Variants in AHCTF1 observed in about 807,000 individuals in gnomAD.
AHCTF1 encodes the protein AT-hook containing transcription factor 1.
AHCTF1 carries 24 observed loss-of-function variants against 248.4 expected under a neutral mutation model. The observed-to-expected ratio is 0.10, with a 90% CI of 0.07 to 0.14. AHCTF1 has a LOEUF of 0.14. AHCTF1 is among the 10% of genes least tolerant of loss of function. The pLI, the probability that AHCTF1 is intolerant of heterozygous loss-of-function variation, is 1.00. For synonymous variants in AHCTF1, 786 were observed against 929.8 expected, an observed-to-expected ratio of 0.85 and a Z score of 2.81; for missense variants, 2,206 against 2,636.2, an observed-to-expected ratio of 0.84 and a Z score of 3.57.
chr1:246,855,119 T>A (rs1044645416), intron 31 of AHCTF1, among the ~76,000 whole-genome samples: 1 of 152,234 alleles, frequency 6.6e-6, no homozygotes, highest in Non-Finnish European at 1.5e-5. Context: ...TAGAGTCAGA[T>A]AACAACTATG....
At position 246,840,074 on chromosome 1, in the gene AHCTF1, T is replaced by A. The variant is rs1363449913; in HGVS notation, c.*732A>T. 1 of 152,642 alleles carries A rather than the reference T, an allele frequency of 6.6e-6. No individual in the cohort carries two copies. Among genetic ancestry groups the A allele is most frequent in the Non-Finnish European group, 1.5e-5 (1 of 68,046 alleles). 9.5% of individuals were successfully genotyped at this position (152,642 alleles called of 1,614,324 possible). On this transcript the variant is annotated 3_prime_UTR_variant, in exon 36 of 36. Transcript: ENST00000648844. ...CACTCAATATCCATAAACAGATTTA[T>A]TTTACATTTCCCTTTGTCAAACCCT...
chr1:246,854,456 G>A (rs545211803), intron 31 of AHCTF1, among the ~76,000 whole-genome samples: 1 of 152,084 alleles, frequency 6.6e-6, no homozygotes, highest in Non-Finnish European at 1.5e-5. Context: ...TGGCCCAAAT[G>A]TTCAGCAATA....
At chr1:246,908,903 A>AAAAG (rs1355874967) in intron 4 of AHCTF1, among the ~76,000 whole-genome samples, 1 of 142,324 alleles carries the variant, frequency 7.0e-6, no homozygotes, top group Non-Finnish European at 1.6e-5. Flanking sequence ...GTCTCAAAAG[A>AAAAG]AAAAAAAAAA....
chr1:246,850,827 T>C lies in AHCTF1; in HGVS notation c.5179A>G (p.Asn1727Asp). Reference protein sequence around the residue: ...TAQETSTMTMNVSQVDDVVSS... With the variant: ...TAQETSTMTMDVSQVDDVVSS... ...ACCACGTCATCAACCTGGCTGACAT[T>C]CATAGTCATTGTGCTTGTTTCCTGA... Residue 1727 changes from asparagine (N) to aspartate (D), a missense_variant, in exon 33 of 36, where the codon AAT becomes GAT. Physicochemically the swap from Asn to Asp is conservative, Grantham distance 23. Transcript: ENST00000648844. 6.2e-7 allele frequency: 1 copy of C among 1,613,910 alleles called. No homozygotes were observed. The highest frequency in any genetic ancestry group is 8.5e-7 in the Non-Finnish European group (1 of 1,179,852).
intron 23 of AHCTF1, 42 bp downstream of exon 23, chr1:246,876,908 C>T (rs1433749564): frequency 1.3e-6 from 2 of 1,599,238 alleles, no homozygotes; most frequent in African/African-American, 2.7e-5. Flanking sequence ...TCCAGTTTTC[C>T]TTATTCTCTT....
chr1:246,905,507 A>C, intron 6 of AHCTF1, 34 bp downstream of exon 6: 1 of 1,567,974 alleles, frequency 6.4e-7, no homozygotes, highest in Non-Finnish European at 8.8e-7. Flanking sequence ...CAAAAAAACA[A>C]AACAAAACAA....
chr1:246,907,939 T>TAAAA lies in AHCTF1; in HGVS notation c.557-182_557-181insTTTT, dbSNP rs1337535235. Among the ~76,000 whole-genome samples the TAAAA allele has an allele frequency of 2.0e-5, 3 of 152,358 alleles. No individual in the cohort carries two copies. In the East Asian group the frequency reaches 5.8e-4, roughly 29 times the overall value. On this transcript the variant is annotated intron_variant, in intron 4 of 35. Coordinates refer to ENST00000648844, the MANE Select transcript of AHCTF1 (RefSeq NM_001323342.2). Reference sequence around the variant, plus strand: ...TAGAAAATTGCCATCCTTATCTATTTAAATGCCACAATTTAAAAAACACAT... The same window carrying TAAAA: ...TAGAAAATTGCCATCCTTATCTATTTAAAAAAATGCCACAATTTAAAAAACACAT...
intron 14 of AHCTF1, among the ~76,000 whole-genome samples, chr1:246,892,301 C>CTTTTTT (rs74163502): frequency 3.8e-4 from 25 of 64,966 alleles, no homozygotes; most frequent in East Asian, 5.5e-4. Context: ...ATTTGTTTTA[C>CTTTTTT]TTTTTTTTTT....
intron 8 of AHCTF1, among the ~76,000 whole-genome samples, chr1:246,901,677 G>GT (rs1665010564): frequency 6.6e-6 from 1 of 152,076 alleles, no homozygotes; most frequent in African/African-American, 2.4e-5. Context: ...AATTAGCCAG[G>GT]TGTGGTGGTG....
intron 1 of AHCTF1, among the ~76,000 whole-genome samples, chr1:246,928,143 T>A (rs892966803): frequency 2.0e-5 from 3 of 150,142 alleles, no homozygotes; most frequent in African/African-American, 7.4e-5. Flanking sequence ...CTACTAAAAA[T>A]ACAAAAAAAA....
chr1:246,904,025 T>A lies in AHCTF1; in HGVS notation c.890A>T (p.Asp297Val). 1 of 1,613,696 alleles carries A rather than the reference T, an allele frequency of 6.2e-7. No homozygotes were observed. Among genetic ancestry groups the A allele is most frequent in the South Asian group, 1.1e-5 (1 of 91,054 alleles). The change falls in exon 7 of 36, where the codon GAT becomes GTT. Residue 297 changes from aspartate to valine, a missense_variant. Around this residue, in one of 6 missense-constraint regions of AHCTF1, gnomAD observed 650 missense variants for 870.8 expected, o/e 0.75. Coordinates refer to ENST00000648844, the MANE Select transcript of AHCTF1 (RefSeq NM_001323342.2). ...AVQSTQDSEGDVLSLHLLQLA... is the reference protein window; with the variant it reads ...AVQSTQDSEGVVLSLHLLQLA... ...CTGCAGCAGATGCAAACTCAAAACA[T>A]CCCCTTCACTGAAACAGAAATTAAC...
chr1:246,884,491 A>G (rs1663673684), intron 21 of AHCTF1, among the ~76,000 whole-genome samples: 1 of 152,224 alleles, frequency 6.6e-6, no homozygotes, highest in Non-Finnish European at 1.5e-5. Context: ...ATTTCTAAAA[A>G]TATAAAAATG....
At chr1:246,876,236 T>C in intron 23 of AHCTF1, 49 bp from the exon 24 acceptor site, 1 of 1,454,784 alleles carries the variant, frequency 6.9e-7, no homozygotes, top group Non-Finnish European at 9.3e-7. Flanking sequence ...AAATGTTAGG[T>C]GCTGTAATTC....
At chr1:246,904,664 G>A (rs539487454) in intron 6 of AHCTF1, among the ~76,000 whole-genome samples, 5 of 152,174 alleles carry the variant, frequency 3.3e-5, no homozygotes, top group Non-Finnish European at 7.3e-5. Flanking sequence ...AAGACACAAA[G>A]TGAAGATACT....
intron 23 of AHCTF1, 60 bp from the exon 24 acceptor site, chr1:246,876,247 T>C: frequency 2.2e-6 from 3 of 1,350,542 alleles, no homozygotes; most frequent in Non-Finnish European, 2.9e-6. Flanking sequence ...GCTGTAATTC[T>C]ATATTTACCA....
At chr1:246,844,991 T>C (rs1660145677) in intron 33 of AHCTF1, among the ~76,000 whole-genome samples, 1 of 152,160 alleles carries the variant, frequency 6.6e-6, no homozygotes, top group African/African-American at 2.4e-5. Flanking sequence ...GGGTTAATAG[T>C]AGCATCTATC....
chr1:246,920,639 G>A (rs998230605), intron 1 of AHCTF1, among the ~76,000 whole-genome samples: 18 of 151,776 alleles, frequency 1.2e-4, no homozygotes, highest in African/African-American at 3.6e-4. Context: ...GCGTGGTGGC[G>A]GGCGCCTGTA....
At chr1:246,856,793 T>C (rs1661138691) in intron 30 of AHCTF1, among the ~76,000 whole-genome samples, 1 of 152,256 alleles carries the variant, frequency 6.6e-6, no homozygotes, top group Non-Finnish European at 1.5e-5. Flanking sequence ...AAGCATGTGA[T>C]TTAGTTCAAG....
intron 1 of AHCTF1, among the ~76,000 whole-genome samples, chr1:246,926,396 G>A (rs932105330): frequency 1.3e-5 from 2 of 152,070 alleles, no homozygotes; most frequent in Non-Finnish European, 1.5e-5. Flanking sequence ...TAGAAAAGAG[G>A]AGTACTTATT....
Sources: gnomAD v4.1 joint callset for allele counts (sites outside exome capture counted in the v4.1 genomes callset) on GRCh38, gnomAD v4.1.1 for gene constraint, gnomAD v4.1.1 regional missense constraint, MANE v1.5 for transcripts, NCBI Gene and HGNC (gene_info 2026-07-23, HGNC 2026-07-21) for gene names.